Variants in SLC2A9 observed in about 807,000 individuals in gnomAD.
SLC2A9 encodes solute carrier family 2 member 9.
SLC2A9 carries 39 observed loss-of-function variants against 50.6 expected under a neutral mutation model. That is an observed-to-expected ratio of 0.77 (90% CI 0.60 to 1.01). The LOEUF (loss-of-function observed/expected upper bound fraction) is 1.01, where lower values mean the gene tolerates loss of function less well. SLC2A9 is among the 50% of genes least tolerant of loss of function. SLC2A9 has a pLI of 0.00. For missense variants in SLC2A9, 686 were observed against 677.6 expected (o/e 1.01, Z -0.14); for synonymous variants, 324 against 276.9 (o/e 1.17, Z -1.69).
At chr4:9,931,829 G>A (rs1745977056) in intron 6 of SLC2A9, among the ~76,000 whole-genome samples, 1 of 151,032 alleles carries the variant, frequency 6.6e-6, no homozygotes, top group Non-Finnish European at 1.5e-5. Flanking sequence ...TCTAGTGAGA[G>A]ACAGACACGA....
intron 1 of SLC2A9, among the ~76,000 whole-genome samples, chr4:10,031,484 G>A (rs1024465259): frequency 1.3e-5 from 2 of 152,236 alleles, no homozygotes; most frequent in Non-Finnish European, 2.9e-5. Context: ...GTTCTCCCAC[G>A]TGGGTAAGGA....
chr4:9,920,195 T>C (rs1743648140), intron 7 of SLC2A9, among the ~76,000 whole-genome samples, 190 bp downstream of exon 7: 1 of 152,248 alleles, frequency 6.6e-6, no homozygotes, highest in Non-Finnish European at 1.5e-5. Context: ...TCTTTCCATA[T>C]TATGTGATCC....
At chr4:9,801,416 G>A (rs561545514) in intron 3 of SLC2A9, among the ~76,000 whole-genome samples, 1 of 152,218 alleles carries the variant, frequency 6.6e-6, no homozygotes, top group Non-Finnish European at 1.5e-5. Flanking sequence ...ACCTCACAGA[G>A]GAAAAGCCAC....
At chr4:9,924,954 CA>C (rs1369371951) in intron 6 of SLC2A9, among the ~76,000 whole-genome samples, 2 of 152,212 alleles carry the variant, frequency 1.3e-5, no homozygotes, top group Non-Finnish European at 2.9e-5. Context: ...GGCTAATCCC[CA>C]GGAAGATGAT....
intron 3 of SLC2A9, chr4:9,781,983 G>A (rs1342361844): frequency 2.9e-6 from 4 of 1,394,408 alleles, no homozygotes; most frequent in South Asian, 1.6e-5. Flanking sequence ...GGGTCGCAGG[G>A]CTGAAGTTGG....
At chr4:9,919,423 T>C (rs1277925117) in intron 7 of SLC2A9, among the ~76,000 whole-genome samples, 2 of 152,222 alleles carry the variant, frequency 1.3e-5, no homozygotes, top group Non-Finnish European at 2.9e-5. Context: ...TAGATTTCTA[T>C]GCTGCTGTTT....
chr4:9,835,053 G>C (rs1726803845), intron 10 of SLC2A9, 45 bp from the exon 11 acceptor site: 1 of 1,611,796 alleles, frequency 6.2e-7, no homozygotes, highest in African/African-American at 1.3e-5. Context: ...CTCTGAGAAG[G>C]TCATGCCTCC....
intron 5 of SLC2A9, among the ~76,000 whole-genome samples, chr4:9,978,081 C>A (rs948098775): frequency 6.6e-6 from 1 of 152,136 alleles, no homozygotes; most frequent in Admixed American, 6.5e-5. Context: ...TATTTGCCAG[C>A]GATGTTTTCC....
At chr4:9,860,609 G>A (rs903173375) in intron 10 of SLC2A9, among the ~76,000 whole-genome samples, 8 of 152,220 alleles carry the variant, frequency 5.3e-5, no homozygotes, top group Non-Finnish European at 7.3e-5. Context: ...TAGGAGTGAC[G>A]TTGTCCCTTT....
chr4:9,789,479 G>T (rs1577285268), intron 3 of SLC2A9, among the ~76,000 whole-genome samples: 1 of 152,198 alleles, frequency 6.6e-6, no homozygotes, highest in South Asian at 2.1e-4. Context: ...TAATTCAAGA[G>T]TCAATATGCA....
At chr4:9,977,376 C>T (rs915626846) in intron 5 of SLC2A9, among the ~76,000 whole-genome samples, 2 of 152,146 alleles carry the variant, frequency 1.3e-5, no homozygotes, top group Non-Finnish European at 2.9e-5. Flanking sequence ...AATCTGTCAT[C>T]TCTAGGCCAG....
intron 2 of SLC2A9, among the ~76,000 whole-genome samples, chr4:10,015,915 C>T (rs1002142606): frequency 6.6e-6 from 1 of 152,192 alleles, no homozygotes; most frequent in Non-Finnish European, 1.5e-5. Context: ...CTGGCCATCA[C>T]AGTCTCTGCT....
At chr4:9,830,580 T>C (rs926851584) in intron 11 of SLC2A9, among the ~76,000 whole-genome samples, 2 of 152,238 alleles carry the variant, frequency 1.3e-5, no homozygotes, top group African/African-American at 4.8e-5. Flanking sequence ...CCCGTCTCAC[T>C]CTGCTTAGGC....
At chr4:9,783,304 G>A (rs752654657) in intron 3 of SLC2A9, 6 of 1,614,214 alleles carry the variant, frequency 3.7e-6, no homozygotes, top group Non-Finnish European at 5.1e-6. Flanking sequence ...ACCGGGAGGT[G>A]GACAACGACG....
chr4:9,918,807 G>C (rs905980242), intron 7 of SLC2A9, among the ~76,000 whole-genome samples: 1 of 152,182 alleles, frequency 6.6e-6, no homozygotes, highest in African/African-American at 2.4e-5. Context: ...TCCAGGTCAG[G>C]TAAAGCACGC....
At position 10,018,957 on chromosome 4, in the gene SLC2A9, G is replaced by C; in HGVS notation, c.249+18C>G. The stretch of plus-strand genomic sequence containing the variant: ...GCAGGGCCGCAGCGCCCTCTGCCGG[G>C]CCTTGGCGCGCACTCACCGGGGTGG... On this transcript the variant is annotated intron_variant, in intron 2 of 11. Transcript: ENST00000264784. 6.5e-7 allele frequency: 1 copy of C among 1,548,274 alleles called. No individual in the cohort carries two copies. Among genetic ancestry groups the C allele is most frequent in the Non-Finnish European group, 8.7e-7 (1 of 1,145,998 alleles).
At chr4:9,896,068 TATG>T (rs1040039021) in intron 8 of SLC2A9, among the ~76,000 whole-genome samples, 1 of 152,230 alleles carries the variant, frequency 6.6e-6, no homozygotes, top group Non-Finnish European at 1.5e-5. Context: ...ATAAAACCAT[TATG>T]ATTATTGAGT....
intron 5 of SLC2A9, among the ~76,000 whole-genome samples, chr4:9,972,746 A>T (rs769524943): frequency 2.0e-5 from 3 of 152,234 alleles, no homozygotes; most frequent in Non-Finnish European, 4.4e-5. Flanking sequence ...ATTTGAAATA[A>T]GTGAAAACAG....
At chr4:9,831,488 T>A (rs1034036416) in intron 11 of SLC2A9, among the ~76,000 whole-genome samples, 1 of 152,182 alleles carries the variant, frequency 6.6e-6, no homozygotes, top group Non-Finnish European at 1.5e-5. Context: ...TAACTCTACT[T>A]GTTATCACAG....
Sources: gnomAD v4.1 joint callset for allele counts (sites outside exome capture counted in the v4.1 genomes callset) on GRCh38, gnomAD v4.1.1 for gene constraint, MANE v1.5 for transcripts, NCBI Gene and HGNC (gene_info 2026-07-23, HGNC 2026-07-21) for gene names.